Variants in PDE4D observed in about 807,000 individuals in gnomAD.
The protein encoded by PDE4D is 3',5'-cyclic-AMP phosphodiesterase 4D.
Under a neutral mutation model 87.4 loss-of-function variants are expected in PDE4D, and 24 were observed. The ratio of observed to expected loss-of-function variants is 0.27; its 90% CI spans 0.20 to 0.39. The LOEUF (loss-of-function observed/expected upper bound fraction) is 0.39, where lower values mean the gene tolerates loss of function less well. PDE4D is among the 10% of genes least tolerant of loss of function. PDE4D has a pLI of 1.00. For synonymous variants in PDE4D, 384 were observed against 383.2 expected, an observed-to-expected ratio of 1.00 and a Z score of -0.02; for missense variants, 714 against 1,041.0, an observed-to-expected ratio of 0.69 and a Z score of 4.32.
intron 2 of PDE4D, among the ~76,000 whole-genome samples, chr5:60,123,653 A>C (rs1178112436): frequency 6.6e-6 from 1 of 152,096 alleles, no homozygotes; most frequent in East Asian, 1.9e-4. Context: ...ATCAAACCTC[A>C]ATGTCAAAGT....
At chr5:59,239,923 G>GA (rs1757302564) in intron 1 of PDE4D, among the ~76,000 whole-genome samples, 1 of 152,150 alleles carries the variant, frequency 6.6e-6, no homozygotes, top group African/African-American at 2.4e-5. Flanking sequence ...ACAGAGTTTT[G>GA]AAAATAGTAC....
At chr5:59,186,439 G>A (rs1742940564) in intron 3 of PDE4D, among the ~76,000 whole-genome samples, 1 of 152,174 alleles carries the variant, frequency 6.6e-6, no homozygotes. Context: ...TTGACTTAAT[G>A]ACTTGGCATG....
At position 59,490,213 on chromosome 5, in the gene PDE4D, A is replaced by T. The variant is rs1470404569; in HGVS notation, c.456-274245T>A. On this transcript the variant is annotated intron_variant, in intron 1 of 14. Transcript: ENST00000340635. ...CCTCTTAAAATAAATTTCATATGCTAAGTGATTTTCTAAAAAGTAGGTGGT... is the reference window on the plus strand; with the variant it reads ...CCTCTTAAAATAAATTTCATATGCTTAGTGATTTTCTAAAAAGTAGGTGGT... Among the ~76,000 whole-genome samples the T allele has an allele frequency of 2.0e-5, 3 of 152,172 alleles. No individual in the cohort carries two copies. In the East Asian group the frequency reaches 5.8e-4, roughly 29 times the overall value.
chr5:59,715,805 A>G (rs1406338326), intron 1 of PDE4D, among the ~76,000 whole-genome samples: 2 of 152,246 alleles, frequency 1.3e-5, no homozygotes, highest in African/African-American at 2.4e-5. Flanking sequence ...GGCTTAATGC[A>G]TAAAGTAAAT....
At chr5:60,077,366 G>A (rs904165845) in intron 2 of PDE4D, among the ~76,000 whole-genome samples, 1 of 152,176 alleles carries the variant, frequency 6.6e-6, no homozygotes, top group Non-Finnish European at 1.5e-5. Flanking sequence ...TGAAGGCCAA[G>A]TAGCATGGGG....
chr5:59,211,037 AC>A (rs1359351878), intron 2 of PDE4D, among the ~76,000 whole-genome samples: 6 of 152,222 alleles, frequency 3.9e-5, no homozygotes, highest in Non-Finnish European at 7.3e-5. Flanking sequence ...TATTAAGATG[AC>A]AAAAATATTG....
intron 1 of PDE4D, among the ~76,000 whole-genome samples, chr5:59,493,317 A>G (rs1806570304): frequency 6.6e-6 from 1 of 152,220 alleles, no homozygotes; most frequent in Non-Finnish European, 1.5e-5. Flanking sequence ...CTCTGCAGAA[A>G]CATGATCAGA....
At chr5:60,235,863 C>T (rs1746366622) in intron 1 of PDE4D, among the ~76,000 whole-genome samples, 1 of 151,870 alleles carries the variant, frequency 6.6e-6, no homozygotes, top group Non-Finnish European at 1.5e-5. Flanking sequence ...TGACTATGCC[C>T]TTAGCCTTAT....
chr5:60,138,572 G>A (rs895297180), intron 2 of PDE4D, among the ~76,000 whole-genome samples: 4 of 151,866 alleles, frequency 2.6e-5, no homozygotes, highest in Non-Finnish European at 4.4e-5. Context: ...TGCTAACACT[G>A]AGGCAGACTG....
chr5:59,085,369 TCACA>T (rs1202075273), intron 5 of PDE4D, among the ~76,000 whole-genome samples: 1 of 152,164 alleles, frequency 6.6e-6, no homozygotes, highest in Non-Finnish European at 1.5e-5. Flanking sequence ...ATACACACTC[TCACA>T]CACAGAGACA....
intron 1 of PDE4D, among the ~76,000 whole-genome samples, chr5:59,216,459 A>G (rs1041621832): frequency 3.9e-5 from 6 of 152,160 alleles, no homozygotes; most frequent in Non-Finnish European, 8.8e-5. Context: ...CCAATATTTT[A>G]AATTCAGGTC....
rs369119543 is a variant in PDE4D, at chr5:60,457,312, T to C, written c.-90+30630A>G. ...CTGTTTTCTAATGTACTCCCAAAAG[T>C]CTCATCTGCCATAAGCTTTCCCTGA... On this transcript the variant is annotated intron_variant, in intron 1 of 16. Transcript: ENST00000502484. Among the ~76,000 whole-genome samples the C allele has an allele frequency of 3.3e-5, 5 of 152,272 alleles. No homozygotes were observed. In the East Asian group the frequency reaches 7.7e-4, roughly 24 times the overall value.
Position 59,840,336 on chromosome 5 carries a change from C to CTGTGTGTG in PDE4D, c.455+52824_455+52831dup, listed in dbSNP as rs59482787. ...ACGAATCACTCTCTGAAATGATCCT[C>CTGTGTGTG]TGTGTGTGTGTGTGTGTGTAACGCT... is the stretch of plus-strand genomic sequence containing the variant. On this transcript the variant is annotated intron_variant, in intron 1 of 14. Transcript: ENST00000340635. Among the ~76,000 whole-genome samples, 1,022 of 149,316 alleles carry CTGTGTGTG rather than the reference C, an allele frequency of 6.8e-3. 10 individuals carry two copies. The highest frequency in any genetic ancestry group is 0.024 in the African/African-American group (979 of 40,724).
intron 1 of PDE4D, among the ~76,000 whole-genome samples, chr5:59,219,073 C>T (rs13155404): frequency 4.8e-5 from 7 of 147,298 alleles, no homozygotes; most frequent in South Asian, 2.2e-4. Context: ...AGGGATAGCA[C>T]TGGGAGATAT....
At chr5:59,859,939 G>C (rs1581461342) in intron 1 of PDE4D, among the ~76,000 whole-genome samples, 1 of 152,330 alleles carries the variant, frequency 6.6e-6, no homozygotes, top group Middle Eastern at 3.4e-3. Flanking sequence ...AGGGATTGTA[G>C]TTGGAAGAGG....
At chr5:59,509,691 A>G (rs1809927107) in intron 1 of PDE4D, among the ~76,000 whole-genome samples, 1 of 150,932 alleles carries the variant, frequency 6.6e-6, no homozygotes, top group African/African-American at 2.4e-5. Flanking sequence ...CTTACAAACT[A>G]GAAGGAAAAA....
chr5:59,089,946 C>G (rs1055967691), intron 5 of PDE4D, among the ~76,000 whole-genome samples: 1 of 152,146 alleles, frequency 6.6e-6, no homozygotes, highest in Admixed American at 6.5e-5. Context: ...TTCAGACACC[C>G]ACTGACCACG....
intron 2 of PDE4D, among the ~76,000 whole-genome samples, chr5:60,099,617 C>T (rs1776029078): frequency 1.3e-5 from 2 of 151,306 alleles, no homozygotes; most frequent in Admixed American, 1.3e-4. Context: ...GAAAGAAAAA[C>T]AAATGGTTAT....
intron 1 of PDE4D, among the ~76,000 whole-genome samples, chr5:59,318,342 C>G (rs1279345486): frequency 6.6e-6 from 1 of 152,024 alleles, no homozygotes; most frequent in African/African-American, 2.4e-5. Context: ...AGTTAAAGAG[C>G]TTGCTTAGGT....
Sources: gnomAD v4.1 joint callset for allele counts (sites outside exome capture counted in the v4.1 genomes callset) on GRCh38, gnomAD v4.1.1 for gene constraint, MANE v1.5 for transcripts, NCBI Gene and HGNC (gene_info 2026-07-23, HGNC 2026-07-21) for gene names.